Variants in VPS33B observed in about 807,000 individuals in gnomAD.
VPS33B encodes VPS33B late endosome and lysosome associated.
A neutral mutation model predicts 95.3 loss-of-function variants in VPS33B; 80 were observed. That is an observed-to-expected ratio of 0.84 (90% CI 0.70 to 1.01). The LOEUF is 1.01. Among genes scored for constraint, VPS33B ranks in the 50% least tolerant of loss-of-function variants. The pLI, the probability that VPS33B is intolerant of heterozygous loss-of-function variation, is 0.00. For missense variants in VPS33B, 715 were observed against 773.4 expected (o/e 0.92, Z 0.90); for synonymous variants, 280 against 280.4 (o/e 1.00, Z 0.01).
At position 91,005,779 on chromosome 15, in the gene VPS33B, C is replaced by T; in HGVS notation, c.945G>A (p.Arg315=). The change falls in exon 13 of 23, where the codon CGG becomes CGA. Residue 315 remains arginine, a synonymous_variant. Transcript: ENST00000333371. This position sits in a 1 kb window ranked among gnomAD's most constrained non-coding sequence, Gnocchi z 6.4. The part of the protein sequence containing the change: ...ARNLQAQYDR[R]RGMDIKQMKN... Reference sequence around the variant, plus strand: ...TCATCTGCTTAATGTCCATGCCTCTCCGGCGCTGTGGGAAAATTCCCAAAG... The same window carrying T: ...TCATCTGCTTAATGTCCATGCCTCTTCGGCGCTGTGGGAAAATTCCCAAAG... 1 of 1,614,200 alleles carries T rather than the reference C, an allele frequency of 6.2e-7. No homozygotes were observed. Among genetic ancestry groups the T allele is most frequent in the Non-Finnish European group, 8.5e-7 (1 of 1,180,046 alleles).
At chr15:91,004,812 C>G in intron 16 of VPS33B, 65 bp downstream of exon 16, 1 of 1,580,630 alleles carries the variant, frequency 6.3e-7, no homozygotes, top group Non-Finnish European at 8.7e-7. Flanking sequence ...TTCAAAATCA[C>G]TTCTTCTGTC....
In VPS33B at chr15:91,015,113, A is replaced by T. The variant is rs184965340; in HGVS notation, c.240-680T>A. Among the ~76,000 whole-genome samples, 1,057 of 151,578 alleles carry T rather than the reference A, an allele frequency of 7.0e-3. 23 individuals carry two copies. Among genetic ancestry groups the T allele is most frequent in the African/African-American group, 0.024 (995 of 41,002 alleles). ...CACTTTGGGAGGCAGAGGCGGGTGG[A>T]TCACCTGAGGTCAGGAGTTTGAGAC... On this transcript the variant is annotated intron_variant, in intron 3 of 22. Coordinates refer to ENST00000333371, the MANE Select transcript of VPS33B (RefSeq NM_018668.5). The surrounding 1 kb of genome is among the most constrained non-coding windows in gnomAD (Gnocchi z 4.7).
At chr15:91,008,047 G>T in intron 6 of VPS33B, 83 bp from the exon 7 acceptor site, 3 of 1,283,678 alleles carry the variant, frequency 2.3e-6, no homozygotes, top group Non-Finnish European at 3.4e-6. Context: ...AAATATTTGA[G>T]TGCGTGCAAC....
intron 1 of VPS33B, among the ~76,000 whole-genome samples, chr15:91,019,958 A>G (rs1021255520): frequency 3.9e-5 from 6 of 152,080 alleles, no homozygotes; most frequent in Admixed American, 2.6e-4. Flanking sequence ...AGCATGGGCC[A>G]CTATGCCCAG....
In VPS33B at chr15:91,013,863, T is replaced by C. The variant is rs1350729278; in HGVS notation, c.298A>G (p.Asn100Asp). Residue 100 changes from asparagine (N) to aspartate (D), a missense_variant, in exon 5 of 23, where the codon AAT (asparagine) becomes GAT (aspartate). By Grantham distance (23) the Asn-to-Asp change is conservative. Transcript: ENST00000333371. The surrounding 1 kb of genome is among the most constrained non-coding windows in gnomAD (Gnocchi z 4.5). ...GTTCGGCCAGCCAATTTGTCAGCAT[T>C]GACAAGACCTACAGAGAGAAGGAAT... ...KNMRYIASLVNADKLAGRTRK... is the reference protein window; with the variant it reads ...KNMRYIASLVDADKLAGRTRK... 1 of 1,614,078 alleles carries C rather than the reference T, an allele frequency of 6.2e-7. No individual in the cohort carries two copies. Among genetic ancestry groups the C allele is most frequent in the Non-Finnish European group, 8.5e-7 (1 of 1,179,992 alleles).
At chr15:91,004,806 A>C in intron 16 of VPS33B, 71 bp downstream of exon 16, 1 of 1,572,124 alleles carries the variant, frequency 6.4e-7, no homozygotes, top group Non-Finnish European at 8.8e-7. Flanking sequence ...TAGCCTTTCA[A>C]AATCACTTCT....
rs117800975 is a variant in VPS33B, at chr15:91,018,594, G to C, written c.97-709C>G. Among the ~76,000 whole-genome samples the C allele has an allele frequency of 2.9e-3, 438 of 152,278 alleles. 12 individuals are homozygous for C. In the East Asian group the frequency reaches 0.075, roughly 26 times the overall value. On this transcript the variant is annotated intron_variant, in intron 1 of 22. Coordinates refer to ENST00000333371, the MANE Select transcript of VPS33B (RefSeq NM_018668.5). The surrounding 1 kb of genome is among the most constrained non-coding windows in gnomAD (Gnocchi z 4.7). ...AGCATAGGCTGTGTAGTAAGGGGAC[G>C]ATTTTGCCCTCCGAGGGACATTTGG...
chr15:91,004,766 G>C, intron 16 of VPS33B, 111 bp downstream of exon 16: 1 of 1,267,730 alleles, frequency 7.9e-7, no homozygotes, highest in Non-Finnish European at 1.1e-6. Flanking sequence ...AAATTACAGG[G>C]AAACATTCTG....
rs2040560617 is a variant in VPS33B, at chr15:91,005,067, G to A, written c.1158C>T (p.His386=). Residue 386 remains histidine, a synonymous_variant, in exon 15 of 23, where the codon CAC becomes CAT. Coordinates refer to ENST00000333371, the MANE Select transcript of VPS33B (RefSeq NM_018668.5). This position sits in a 1 kb window ranked among gnomAD's most constrained non-coding sequence, Gnocchi z 6.4. ...TCCACCTGCGCACCTGCCGGTCTAT[G>A]TGTTCCTCAATGTAGCTGGTGCTCT... The part of the protein sequence containing the change: ...IRESTSYIEE[H]IDRQVSPIES... The A allele has an allele frequency of 1.9e-6, 3 of 1,614,124 alleles. No individual in the cohort carries two copies. Among genetic ancestry groups the A allele is most frequent in the Admixed American group, 1.7e-5 (1 of 60,008 alleles).
At chr15:91,017,383 TA>T (rs1214731952) in intron 2 of VPS33B, among the ~76,000 whole-genome samples, 1 of 41,916 alleles carries the variant, frequency 2.4e-5, no homozygotes, top group Non-Finnish European at 3.9e-5. Context: ...TATATATATA[TA>T]TATATATATA....
chr15:91,008,100 A>G (rs2040668427), intron 6 of VPS33B, 136 bp from the exon 7 acceptor site: 4 of 787,544 alleles, frequency 5.1e-6, no homozygotes, highest in Non-Finnish European at 8.7e-6. Flanking sequence ...GCATTAAGCA[A>G]TGGAGGCTCA....
In VPS33B at chr15:90,999,682, T is replaced by C; in HGVS notation, c.1769A>G (p.Glu590Gly). The C allele has an allele frequency of 6.2e-7, 1 of 1,614,100 alleles. No homozygotes were observed. The highest frequency in any genetic ancestry group is 1.1e-5 in the South Asian group (1 of 91,082). The change falls in exon 22 of 23, where the codon GAG (glutamate) becomes GGG (glycine). Residue 590 changes from glutamate (E) to glycine (G), a missense_variant. Coordinates refer to ENST00000333371, the MANE Select transcript of VPS33B (RefSeq NM_018668.5). The surrounding 1 kb of genome is among the most constrained non-coding windows in gnomAD (Gnocchi z 5.1). ...EISALRFLGREKGYRFIFLTT... is the reference protein window; with the variant it reads ...EISALRFLGRGKGYRFIFLTT... ...ACCTTTCTGCTCTCTCTTACCTTTC[T>C]CTCTGCCCAGGAACCGGAGGGCTGA...
At position 91,014,395 on chromosome 15, in the gene VPS33B, C is replaced by T. The variant is rs754341541; in HGVS notation, c.278G>A (p.Arg93Gln). The change falls in exon 4 of 23, where the codon CGA becomes CAA. Residue 93 changes from arginine to glutamine, a missense_variant. By Grantham distance (43) the Arg-to-Gln change is conservative. Transcript: ENST00000333371. ...FLVRPRIKNM[R>Q]YIASLVNADK... ...CATGGCACACTCACTGGCAATGTAT[C>T]GCATATTCTTGATGCGGGGTCTGAC... The T allele has an allele frequency of 1.8e-5, 29 of 1,613,816 alleles. No homozygotes were observed. The highest frequency in any genetic ancestry group is 2.2e-5 in the East Asian group (1 of 44,894).
intron 1 of VPS33B, among the ~76,000 whole-genome samples, chr15:91,019,991 G>A (rs2041058303): frequency 6.6e-6 from 1 of 152,126 alleles, no homozygotes; most frequent in Non-Finnish European, 1.5e-5. Flanking sequence ...TTTTAATAGA[G>A]ATGGGGTTTC....
rs1451555927 is a variant in VPS33B at position 91,002,917 on chromosome 15, A to G, written c.1272+168T>C. On this transcript the variant is annotated intron_variant, in intron 17 of 22. Coordinates refer to ENST00000333371, the MANE Select transcript of VPS33B (RefSeq NM_018668.5). The surrounding 1 kb of genome is among the most constrained non-coding windows in gnomAD (Gnocchi z 4.7). ...GGGGTGAAACAAGGGTAGAGGGCAG[A>G]GAGGCGTGCTGAAAGGTGACTCTCC... 6.6e-6 allele frequency among the ~76,000 whole-genome samples: 1 copy of G among 152,156 alleles called. No homozygotes were observed. The highest frequency in any genetic ancestry group is 2.4e-5 in the African/African-American group (1 of 41,442).
At chr15:91,016,855 G>T in intron 3 of VPS33B, 108 bp downstream of exon 3, 2 of 1,071,354 alleles carry the variant, frequency 1.9e-6, no homozygotes, top group Non-Finnish European at 2.9e-6. Context: ...AAATTGTAAA[G>T]TTCAGGGAGG....
intron 19 of VPS33B, chr15:91,001,086 T>G: frequency 2.6e-6 from 1 of 377,408 alleles, no homozygotes; most frequent in Non-Finnish European, 5.1e-6. Flanking sequence ...GAGGCCGAGG[T>G]GGGCGGATCA....
intron 6 of VPS33B, among the ~76,000 whole-genome samples, chr15:91,008,454 G>A (rs1360880034): frequency 2.0e-5 from 3 of 152,046 alleles, no homozygotes; most frequent in Non-Finnish European, 4.4e-5. Context: ...TGGCAGAGAC[G>A]GGGTTTTGCC....
At chr15:91,020,446 C>T (rs975998333) in intron 1 of VPS33B, among the ~76,000 whole-genome samples, 4 of 152,190 alleles carry the variant, frequency 2.6e-5, no homozygotes, top group African/African-American at 9.7e-5. Flanking sequence ...TGCTGAATCA[C>T]CCAGTGGGCT....
Sources: allele counts gnomAD v4.1 joint callset (sites outside exome capture counted in the v4.1 genomes callset), GRCh38; gene constraint gnomAD v4.1.1; non-coding constraint Gnocchi (gnomAD v3.1); transcripts MANE v1.5; gene names NCBI Gene and HGNC (gene_info 2026-07-23, HGNC 2026-07-21).